SEMA6D: variants seen among roughly 807,000 people sequenced by gnomAD.
The protein encoded by SEMA6D is semaphorin-6D.
Under a neutral mutation model 106.6 loss-of-function variants are expected in SEMA6D, and 35 were observed. The observed-to-expected ratio is 0.33, with a 90% CI of 0.25 to 0.44. The LOEUF is 0.44. Ranked by LOEUF, SEMA6D falls within the 20% of genes least tolerant of loss-of-function variation. SEMA6D has a pLI of 1.00. For synonymous variants in SEMA6D, 499 were observed against 487.7 expected (o/e 1.02, Z -0.31); for missense variants, 1,185 against 1,345.9 (o/e 0.88, Z 1.87).
intron 4 of SEMA6D, among the ~76,000 whole-genome samples, chr15:47,676,382 A>C (rs2078246294): frequency 6.6e-6 from 1 of 152,256 alleles, no homozygotes; most frequent in Admixed American, 6.5e-5. Flanking sequence ...AAAGTAAAGT[A>C]GAATGAAAAG....
chr15:47,743,986 G>A (rs968363650), intron 1 of SEMA6D, among the ~76,000 whole-genome samples: 3 of 152,182 alleles, frequency 2.0e-5, no homozygotes, highest in Non-Finnish European at 2.9e-5. Flanking sequence ...GAAGCCTCTT[G>A]TCAGCAGTAT....
At chr15:47,531,048 A>G (rs558260297) in intron 3 of SEMA6D, among the ~76,000 whole-genome samples, 105 of 152,350 alleles carry the variant, frequency 6.9e-4, no homozygotes, top group African/African-American at 2.5e-3. Context: ...TATACAAGAA[A>G]TTAAAAATAA....
At chr15:47,500,689 C>A (rs774832881) in intron 3 of SEMA6D, among the ~76,000 whole-genome samples, 4 of 152,124 alleles carry the variant, frequency 2.6e-5, no homozygotes, top group Admixed American at 1.3e-4. Context: ...AGTTGTAGAT[C>A]CATACTTTGA....
intron 17 of SEMA6D, 190 bp downstream of exon 17, chr15:47,767,283 A>G: frequency 2.2e-6 from 1 of 463,642 alleles, no homozygotes; most frequent in African/African-American, 2.0e-5. Flanking sequence ...GCATGTTAAC[A>G]CTTCATCATT....
At chr15:47,554,661 C>T (rs2045864287) in intron 3 of SEMA6D, among the ~76,000 whole-genome samples, 1 of 152,198 alleles carries the variant, frequency 6.6e-6, no homozygotes, top group African/African-American at 2.4e-5. Context: ...TCTACAGTGA[C>T]ACACAGATAA....
At chr15:47,335,651 A>T (rs1428795215) in intron 1 of SEMA6D, among the ~76,000 whole-genome samples, 3 of 152,162 alleles carry the variant, frequency 2.0e-5, no homozygotes, top group Non-Finnish European at 4.4e-5. Flanking sequence ...GCAGAAATGA[A>T]CAACAGTTCA....
At chr15:47,214,727 A>T (rs918034822) in intron 1 of SEMA6D, among the ~76,000 whole-genome samples, 2 of 152,192 alleles carry the variant, frequency 1.3e-5, no homozygotes, top group African/African-American at 4.8e-5. Flanking sequence ...GGAAATTGTG[A>T]TCACTTCTAA....
intron 4 of SEMA6D, among the ~76,000 whole-genome samples, chr15:47,634,404 G>T (rs1456089664): frequency 6.6e-6 from 1 of 152,096 alleles, no homozygotes; most frequent in Non-Finnish European, 1.5e-5. Context: ...GAGGAGGAGG[G>T]CTGAGTCACA....
intron 1 of SEMA6D, among the ~76,000 whole-genome samples, chr15:47,728,719 G>A (rs925647884): frequency 3.3e-5 from 5 of 152,206 alleles, no homozygotes; most frequent in African/African-American, 1.2e-4. Context: ...AGGAGAGAAT[G>A]TGTCCTTGCC....
At chr15:47,479,094 C>T (rs747951193) in intron 3 of SEMA6D, among the ~76,000 whole-genome samples, 20 of 152,138 alleles carry the variant, frequency 1.3e-4, no homozygotes, top group Non-Finnish European at 2.4e-4. Flanking sequence ...GGGACACAGC[C>T]AAACCATATC....
chr15:47,428,521 CT>C (rs1363173448), intron 2 of SEMA6D, among the ~76,000 whole-genome samples: 2 of 42,752 alleles, frequency 4.7e-5, no homozygotes, highest in Non-Finnish European at 5.4e-5. Flanking sequence ...AATCCCAGCA[CT>C]TTAGGATTTA....
At chr15:47,429,213 A>T (rs1271030651) in intron 2 of SEMA6D, among the ~76,000 whole-genome samples, 1 of 152,088 alleles carries the variant, frequency 6.6e-6, no homozygotes, top group Non-Finnish European at 1.5e-5. Context: ...TATCATTAGA[A>T]GTTATAGGCT....
rs1228433005 is a variant in SEMA6D, at chr15:47,422,220, TC to T, written c.-159+9750del. The stretch of plus-strand genomic sequence containing the variant: ...TTCCTTCCTTCCTTCCTTCCTTCCT[TC>T]CTTCCTTCCTTCCATTTTCTTATAA... On this transcript the variant is annotated intron_variant, in intron 2 of 19. Coordinates refer to the SEMA6D transcript ENST00000558014. 4.4e-3 allele frequency among the ~76,000 whole-genome samples: 672 copies of T among 151,104 alleles called. 2 individuals are homozygous for T. Among genetic ancestry groups the T allele is most frequent in the African/African-American group, 0.016 (645 of 41,210 alleles).
intron 4 of SEMA6D, among the ~76,000 whole-genome samples, chr15:47,665,126 G>C (rs1456395601): frequency 6.6e-6 from 1 of 152,102 alleles, no homozygotes; most frequent in Non-Finnish European, 1.5e-5. Context: ...TGTACCTGTT[G>C]AGTTGGTGGG....
chr15:47,431,961 G>A (rs144713140), intron 2 of SEMA6D, among the ~76,000 whole-genome samples: 1 of 152,066 alleles, frequency 6.6e-6, no homozygotes. Flanking sequence ...TGTGATAGAT[G>A]TATCAATGGT....
chr15:47,683,090 C>T (rs1024739841), intron 4 of SEMA6D, among the ~76,000 whole-genome samples: 3 of 152,116 alleles, frequency 2.0e-5, no homozygotes, highest in African/African-American at 7.2e-5. Flanking sequence ...TTTGGGGGTA[C>T]ATATGAAGGT....
At chr15:47,400,050 C>T (rs1217662801) in intron 1 of SEMA6D, among the ~76,000 whole-genome samples, 1 of 152,180 alleles carries the variant, frequency 6.6e-6, no homozygotes, top group African/African-American at 2.4e-5. Context: ...ACCCTCCTCA[C>T]CATCCTTAAG....
chr15:47,651,563 A>G (rs2077691868), intron 4 of SEMA6D, among the ~76,000 whole-genome samples: 1 of 152,116 alleles, frequency 6.6e-6, no homozygotes, highest in South Asian at 2.1e-4. Flanking sequence ...TGTGAATCTT[A>G]ATGCATAAAG....
chr15:47,760,462 G>A (rs768084821), intron 3 of SEMA6D, 47 bp downstream of exon 3: 1 of 1,449,084 alleles, frequency 6.9e-7, no homozygotes, highest in African/African-American at 1.4e-5. Flanking sequence ...CTTTTCTCTT[G>A]TGGTGCTTGC....
Sources: allele counts gnomAD v4.1 joint callset (sites outside exome capture counted in the v4.1 genomes callset), GRCh38; gene constraint gnomAD v4.1.1; transcripts MANE v1.5; gene names NCBI Gene and HGNC (gene_info 2026-07-23, HGNC 2026-07-21).